The following SLC26A3 variants were observed in gnomAD, a reference collection of about 807,000 sequenced individuals.
SLC26A3 encodes the protein chloride anion exchanger.
A neutral mutation model predicts 85.6 loss-of-function variants in SLC26A3; 64 were observed. The observed-to-expected ratio is 0.75, with a 90% CI of 0.61 to 0.92. The LOEUF is 0.92. SLC26A3 is among the 40% of genes least tolerant of loss of function. The pLI is 0.00. For synonymous variants in SLC26A3, 349 were observed against 336.0 expected, an observed-to-expected ratio of 1.04 and a Z score of -0.42; for missense variants, 922 against 927.3, an observed-to-expected ratio of 0.99 and a Z score of 0.07.
intron 8 of SLC26A3, 77 bp downstream of exon 8, chr7:107,786,750 C>G: frequency 2.5e-6 from 3 of 1,224,136 alleles, no homozygotes; most frequent in Non-Finnish European, 3.6e-6. Flanking sequence ...AACTGCAGTT[C>G]GGATTGTACC....
intron 18 of SLC26A3, among the ~76,000 whole-genome samples, chr7:107,769,435 A>G (rs573746824): frequency 6.6e-6 from 1 of 152,308 alleles, no homozygotes; most frequent in East Asian, 1.9e-4. Flanking sequence ...TTGCAGGTAC[A>G]TGGAGTTGGA....
chr7:107,779,524 G>A, intron 12 of SLC26A3, 144 bp downstream of exon 12: 1 of 686,382 alleles, frequency 1.5e-6, no homozygotes, highest in Admixed American at 2.5e-5. Context: ...TTTAAAAATA[G>A]CAAATAAAAC....
At chr7:107,794,193 G>A (rs368874187) in intron 2 of SLC26A3, among the ~76,000 whole-genome samples, 186 bp downstream of exon 2, 2 of 152,120 alleles carry the variant, frequency 1.3e-5, no homozygotes, top group Non-Finnish European at 2.9e-5. Context: ...TTGATAAGCC[G>A]AGATGGGGTT....
At chr7:107,801,213 C>T (rs149952583) in intron 1 of SLC26A3, among the ~76,000 whole-genome samples, 1 of 152,298 alleles carries the variant, frequency 6.6e-6, no homozygotes, top group Non-Finnish European at 1.5e-5. Flanking sequence ...TTCCCAGAGC[C>T]AGGATGAGAA....
Position 107,791,130 on chromosome 7 carries a change from G to C in SLC26A3, c.488C>G (p.Ser163Trp). Residue 163 changes from serine (S) to tryptophan (W), a missense_variant, in exon 5 of 21, where the codon TCG becomes TGG. By Grantham distance (177) the Ser-to-Trp change is radical (BLOSUM62 -3). Transcript: ENST00000340010. ...NATTLGLPNNSNNSSLLDDER... is the reference protein window; with the variant it reads ...NATTLGLPNNWNNSSLLDDER... ...GTCATCCAGTAGTGAAGAATTATTC[G>C]AGTTGTTAGGCAATCCCAAAGTAGT... 6.2e-7 allele frequency: 1 copy of C among 1,614,186 alleles called. No individual in the cohort carries two copies. The highest frequency in any genetic ancestry group is 2.2e-5 in the East Asian group (1 of 44,890).
intron 3 of SLC26A3, among the ~76,000 whole-genome samples, chr7:107,792,260 G>T (rs545927822): frequency 5.4e-4 from 82 of 152,142 alleles, no homozygotes; most frequent in Non-Finnish European, 9.0e-4. Flanking sequence ...AAGGGGAGAT[G>T]GTTTTGGGAT....
Position 107,773,984 on chromosome 7 carries a change from C to G in SLC26A3, c.1943G>C (p.Ser648Thr). Residue 648 changes from serine to threonine, a missense_variant, in exon 17 of 21, where the codon AGC becomes ACC. By Grantham distance (58) the Ser-to-Thr change is moderately conservative. Coordinates refer to ENST00000340010, the MANE Select transcript of SLC26A3 (RefSeq NM_000111.3). ...NIEVPKISLH[S>T]LILDFSAVSF... ...CACTGCTGAAAAGTCAAGAATGAGG[C>G]TGTGGAGGCTGATTTTGGGGACCTC... The G allele has an allele frequency of 1.2e-6, 2 of 1,614,088 alleles. No homozygotes were observed. Among genetic ancestry groups the G allele is most frequent in the South Asian group, 1.1e-5 (1 of 91,080 alleles).
intron 1 of SLC26A3, among the ~76,000 whole-genome samples, chr7:107,799,416 C>T (rs1266207185): frequency 1.3e-5 from 2 of 152,158 alleles, no homozygotes; most frequent in Admixed American, 6.5e-5. Context: ...CAGAGTCTTG[C>T]TCTGTCGCCC....
intron 18 of SLC26A3, among the ~76,000 whole-genome samples, chr7:107,770,976 G>C (rs1794021104): frequency 2.6e-5 from 4 of 152,176 alleles, no homozygotes; most frequent in Admixed American, 1.3e-4. Context: ...GCTTCTTTCA[G>C]AAAATGGGAT....
intron 8 of SLC26A3, among the ~76,000 whole-genome samples, chr7:107,786,287 G>A (rs1181727621): frequency 6.6e-6 from 1 of 152,084 alleles, no homozygotes; most frequent in African/African-American, 2.4e-5. Context: ...AAGAGGAGAA[G>A]CAGTTTACTT....
intron 1 of SLC26A3, among the ~76,000 whole-genome samples, chr7:107,795,896 T>C (rs1794487918): frequency 6.6e-6 from 1 of 152,094 alleles, no homozygotes; most frequent in African/African-American, 2.4e-5. Context: ...GCTCAAGTTA[T>C]AACCAGGAAT....
chr7:107,799,374 A>ATATTCTTTTC (rs1554383042), intron 1 of SLC26A3, among the ~76,000 whole-genome samples: 1 of 151,826 alleles, frequency 6.6e-6, no homozygotes, highest in Non-Finnish European at 1.5e-5. Context: ...CAAGCCATCA[A>ATATTCTTTTC]TTTTCTTTTC....
intron 7 of SLC26A3, among the ~76,000 whole-genome samples, chr7:107,787,110 T>C (rs1010758471): frequency 1.3e-5 from 2 of 152,252 alleles, no homozygotes; most frequent in African/African-American, 4.8e-5. Flanking sequence ...CAAATGGCTC[T>C]AACACGACAT....
rs1333766210 is a variant in SLC26A3, at chr7:107,789,088, C to G, written c.735+436G>C. Among the ~76,000 whole-genome samples, 3 of 147,330 alleles carry G rather than the reference C, an allele frequency of 2.0e-5. No homozygotes were observed. The East Asian group carries it at 6.1e-4, about 30-fold the overall frequency. On this transcript the variant is annotated intron_variant, in intron 6 of 20. Coordinates refer to ENST00000340010, the MANE Select transcript of SLC26A3 (RefSeq NM_000111.3). ...TACAGGTATGAGCCATCATGCCTGG[C>G]TTTACTTTCTTTTTCTTTTCTTTTC...
At chr7:107,782,929 T>C (rs1794235202) in intron 10 of SLC26A3, 51 bp downstream of exon 10, 3 of 1,612,228 alleles carry the variant, frequency 1.9e-6, no homozygotes, top group Non-Finnish European at 2.5e-6. Flanking sequence ...TGGCTTGAAT[T>C]TCCTAGTTAC....
Position 107,794,415 on chromosome 7 carries a change from T to A in SLC26A3, c.95A>T (p.His32Leu). The change falls in exon 2 of 21, where the codon CAT becomes CTT. Residue 32 changes from histidine to leucine, a missense_variant. Coordinates refer to ENST00000340010, the MANE Select transcript of SLC26A3 (RefSeq NM_000111.3). Reference sequence around the variant, plus strand: ...TTTGAGATGATCCAGAAATGTCTTATGATGTCTTCCTGTCTTTTTATGATT... The same window carrying A: ...TTTGAGATGATCCAGAAATGTCTTAAGATGTCTTCCTGTCTTTTTATGATT... Reference protein sequence around the residue: ...EENHKKTGRHHKTFLDHLKVC... With the variant: ...EENHKKTGRHLKTFLDHLKVC... 6.2e-7 allele frequency: 1 copy of A among 1,614,090 alleles called. No individual in the cohort carries two copies. The highest frequency in any genetic ancestry group is 8.5e-7 in the Non-Finnish European group (1 of 1,179,940).
At chr7:107,792,645 G>T (rs541908673) in intron 3 of SLC26A3, among the ~76,000 whole-genome samples, 2 of 152,262 alleles carry the variant, frequency 1.3e-5, no homozygotes, top group East Asian at 1.9e-4. Context: ...CTCCTGCTGT[G>T]TGGCCCAGTT....
intron 1 of SLC26A3, among the ~76,000 whole-genome samples, chr7:107,802,622 C>T (rs1794617868): frequency 6.6e-6 from 1 of 151,976 alleles, no homozygotes; most frequent in Non-Finnish European, 1.5e-5. Context: ...CTGCTTTAGC[C>T]TCTTGAGTAG....
At chr7:107,791,798 G>A (rs1794407476) in intron 4 of SLC26A3, 32 bp downstream of exon 4, 2 of 1,307,060 alleles carry the variant, frequency 1.5e-6, no homozygotes, top group African/African-American at 1.5e-5. Flanking sequence ...AAAAAACAAT[G>A]TGAGCATTAA....
Sources: gnomAD v4.1 joint callset for allele counts (sites outside exome capture counted in the v4.1 genomes callset) on GRCh38, gnomAD v4.1.1 for gene constraint, MANE v1.5 for transcripts, NCBI Gene and HGNC (gene_info 2026-07-23, HGNC 2026-07-21) for gene names.